The following EML4 variants were observed in gnomAD, a reference collection of about 807,000 sequenced individuals.
EML4 encodes the protein EMAP like 4, also known as echinoderm microtubule-associated protein-like 4.
In EML4, 72 loss-of-function variants were observed where a neutral mutation model predicts 129.0. That is an observed-to-expected ratio of 0.56 (90% CI 0.46 to 0.68). The LOEUF (loss-of-function observed/expected upper bound fraction) is 0.68, where lower values mean the gene tolerates loss of function less well. Ranked by LOEUF, EML4 falls within the 30% of genes least tolerant of loss-of-function variation. EML4 has a pLI of 0.00. For synonymous variants in EML4, 532 were observed against 405.0 expected, an observed-to-expected ratio of 1.31 and a Z score of -3.77; for missense variants, 1,363 against 1,190.6, an observed-to-expected ratio of 1.14 and a Z score of -2.13.
Position 42,267,555 on chromosome 2 carries a change from G to A in EML4, c.667+2824G>A, listed in dbSNP as rs536032950. On this transcript the variant is annotated intron_variant, in intron 6 of 22. Coordinates refer to ENST00000318522, the MANE Select transcript of EML4 (RefSeq NM_019063.5). ...TGGTACATTTAGGTGAGTGGTAACA[G>A]AGAATACTTTACCTGAAAGGCCTGT... 3.3e-5 allele frequency among the ~76,000 whole-genome samples: 5 copies of A among 152,322 alleles called. No individual in the cohort carries two copies. The East Asian group carries it at 9.6e-4, about 29-fold the overall frequency.
chr2:42,266,883 T>C (rs1666093656), intron 6 of EML4, among the ~76,000 whole-genome samples: 1 of 152,154 alleles, frequency 6.6e-6, no homozygotes, highest in African/African-American at 2.4e-5. Flanking sequence ...TGAAATATAG[T>C]GGCATCTACT....
chr2:42,256,392 T>C (rs893292355), intron 2 of EML4, 109 bp from the exon 3 acceptor site: 3 of 1,055,186 alleles, frequency 2.8e-6, no homozygotes, highest in African/African-American at 1.6e-5. Context: ...ATAATATACT[T>C]AATTTTTTTT....
At chr2:42,233,122 T>C (rs1209675296) in intron 1 of EML4, among the ~76,000 whole-genome samples, 1 of 152,218 alleles carries the variant, frequency 6.6e-6, no homozygotes, top group Admixed American at 6.5e-5. Context: ...AATCTCTTCA[T>C]GTTCATAACT....
In EML4 at chr2:42,328,975, T is replaced by C. The variant is rs759376622; in HGVS notation, c.2431T>C (p.Cys811Arg). The change falls in exon 22 of 23, where the codon TGT (cysteine) becomes CGT (arginine). Residue 811 changes from cysteine to arginine, a missense_variant. Transcript: ENST00000318522. ...GGTGATAGCTGTTGCCGATGACTTTTGTAAAGTCCATCTGTTTCAGTATCC... is the reference window on the plus strand; with the variant it reads ...GGTGATAGCTGTTGCCGATGACTTTCGTAAAGTCCATCTGTTTCAGTATCC... ...RKVIAVADDF[C>R]KVHLFQYPCS... 1.2e-6 allele frequency: 2 copies of C among 1,613,328 alleles called. No homozygotes were observed. The highest frequency in any genetic ancestry group is 1.1e-5 in the South Asian group (1 of 91,034).
intron 6 of EML4, among the ~76,000 whole-genome samples, chr2:42,279,150 A>ATG (rs924347132): frequency 1.4e-4 from 21 of 151,812 alleles, no homozygotes; most frequent in Middle Eastern, 3.4e-3. Context: ...TTATTGCAAG[A>ATG]TGTGTGTGTG....
At chr2:42,241,572 T>C (rs1425710116) in intron 1 of EML4, among the ~76,000 whole-genome samples, 1 of 152,230 alleles carries the variant, frequency 6.6e-6, no homozygotes, top group East Asian at 1.9e-4. Flanking sequence ...TTTACTCTTA[T>C]CCTGTTCCAA....
rs531247901 is a variant in EML4 at position 42,322,446 on chromosome 2, T to G, written c.2155-3021T>G. On this transcript the variant is annotated intron_variant, in intron 19 of 22. Coordinates refer to ENST00000318522, the MANE Select transcript of EML4 (RefSeq NM_019063.5). The stretch of plus-strand genomic sequence containing the variant: ...GTCCTAAATTGAGACCTTGGTTGCT[T>G]GGTTGCTTGGTTGTTTTTTAACTCC... Among the ~76,000 whole-genome samples, 170 of 152,354 alleles carry G rather than the reference T, an allele frequency of 1.1e-3. 1 individual carries two copies. Among genetic ancestry groups the G allele is most frequent in the Non-Finnish European group, 1.4e-3 (95 of 68,030 alleles).
intron 6 of EML4, among the ~76,000 whole-genome samples, chr2:42,270,539 A>G (rs7560860): frequency 0.66 from 100,316 of 152,104 alleles, 34,417 homozygotes; most frequent in African/African-American, 0.85. Context: ...CTCCAGGCAC[A>G]TTTAGTCCTA....
At chr2:42,280,002 G>C (rs753389399) in intron 6 of EML4, among the ~76,000 whole-genome samples, 4 of 152,038 alleles carry the variant, frequency 2.6e-5, no homozygotes, top group Non-Finnish European at 5.9e-5. Context: ...ATATTTTTGA[G>C]ATTAACCCTT....
intron 2 of EML4, 63 bp downstream of exon 2, chr2:42,245,750 G>A (rs1406707486): frequency 6.2e-6 from 9 of 1,444,562 alleles, no homozygotes; most frequent in Non-Finnish European, 7.4e-6. Flanking sequence ...GAAAGTTGAA[G>A]CTGGAAATAT....
intron 1 of EML4, among the ~76,000 whole-genome samples, chr2:42,204,356 C>T (rs1672414580): frequency 6.6e-6 from 1 of 152,136 alleles, no homozygotes; most frequent in South Asian, 2.1e-4. Context: ...AGCTTAATCT[C>T]TTGTCTGCTG....
At chr2:42,265,253 T>C (rs1263792047) in intron 6 of EML4, among the ~76,000 whole-genome samples, 3 of 152,224 alleles carry the variant, frequency 2.0e-5, no homozygotes, top group African/African-American at 7.2e-5. Context: ...GGCTAATTTT[T>C]GGTGTTTTTT....
In EML4 at chr2:42,185,075, C is replaced by T. The variant is rs148805311; in HGVS notation, c.25+15439C>T. ...GACATATTGGCAAAATCATTGGTCC[C>T]GGAATAATATAATACCTGAGCATAT... On this transcript the variant is annotated intron_variant, in intron 1 of 22. Coordinates refer to ENST00000318522, the MANE Select transcript of EML4 (RefSeq NM_019063.5). 3.5e-3 allele frequency among the ~76,000 whole-genome samples: 524 copies of T among 151,850 alleles called. 2 individuals are homozygous for T. Among genetic ancestry groups the T allele is most frequent in the African/African-American group, 0.012 (477 of 41,394 alleles).
intron 8 of EML4, among the ~76,000 whole-genome samples, chr2:42,284,335 A>G (rs1314199088): frequency 2.0e-5 from 3 of 152,238 alleles, no homozygotes; most frequent in African/African-American, 7.2e-5. Flanking sequence ...TTTGTATGCC[A>G]TTGTGCGTGG....
intron 17 of EML4, among the ~76,000 whole-genome samples, chr2:42,308,790 T>G (rs1346914793): frequency 6.6e-6 from 1 of 152,124 alleles, no homozygotes. Flanking sequence ...ACTTTCTGTT[T>G]TTATAGGTTG....
chr2:42,177,816 A>G (rs1670692973), intron 1 of EML4, among the ~76,000 whole-genome samples: 1 of 152,242 alleles, frequency 6.6e-6, no homozygotes, highest in African/African-American at 2.4e-5. Context: ...GTCAGGACCA[A>G]CATTAGAAAA....
At chr2:42,328,367 A>G (rs570642343) in intron 21 of EML4, among the ~76,000 whole-genome samples, 3 of 152,366 alleles carry the variant, frequency 2.0e-5, no homozygotes, top group African/African-American at 4.8e-5. Context: ...TTTCCAGGAA[A>G]ATTACATGGG....
At chr2:42,304,617 T>C (rs1472507413) in intron 17 of EML4, 66 bp downstream of exon 17, 6 of 1,188,792 alleles carry the variant, frequency 5.0e-6, no homozygotes, top group Non-Finnish European at 7.6e-6. Context: ...TCAGGAATGT[T>C]CTCAATCTGA....
chr2:42,281,168 C>T (rs1666982754), intron 7 of EML4, among the ~76,000 whole-genome samples, 195 bp downstream of exon 7: 1 of 151,964 alleles, frequency 6.6e-6, no homozygotes, highest in East Asian at 1.9e-4. Context: ...CCGAGGCAGG[C>T]GGATCACAAA....
Sources: allele counts gnomAD v4.1 joint callset (sites outside exome capture counted in the v4.1 genomes callset), GRCh38; gene constraint gnomAD v4.1.1; transcripts MANE v1.5; gene names NCBI Gene and HGNC (gene_info 2026-07-23, HGNC 2026-07-21).